The following ATP8B1 variants were observed in gnomAD, a reference collection of about 807,000 sequenced individuals.
ATP8B1 encodes the protein phospholipid-transporting ATPase IC.
ATP8B1 carries 80 observed loss-of-function variants against 149.9 expected under a neutral mutation model. That is an observed-to-expected ratio of 0.53 (90% confidence interval 0.45 to 0.64). The LOEUF (loss-of-function observed/expected upper bound fraction) is 0.64, where lower values mean the gene tolerates loss of function less well. ATP8B1 is among the 30% of genes least tolerant of loss of function. The pLI is 0.00. For synonymous variants in ATP8B1, 536 were observed against 562.8 expected (o/e 0.95, Z 0.67); for missense variants, 1,247 against 1,552.6 (o/e 0.80, Z 3.31).
chr18:57,698,730 C>A (rs1384912581), intron 6 of ATP8B1, among the ~76,000 whole-genome samples: 2 of 152,220 alleles, frequency 1.3e-5, no homozygotes, highest in Non-Finnish European at 2.9e-5. Context: ...GGTCAGTTGT[C>A]TGATGGAGCT....
intron 1 of ATP8B1, among the ~76,000 whole-genome samples, chr18:57,762,132 T>C (rs1007265193): frequency 1.2e-5 from 1 of 80,348 alleles, no homozygotes; most frequent in African/African-American, 5.7e-5. Context: ...CACACATATA[T>C]ATATATATAT....
intron 1 of ATP8B1, among the ~76,000 whole-genome samples, chr18:57,796,337 C>T (rs2080515268): frequency 6.6e-6 from 1 of 152,164 alleles, no homozygotes; most frequent in Non-Finnish European, 1.5e-5. Flanking sequence ...CACTTGGAGT[C>T]CTTACTGTAA....
chr18:57,765,908 G>T (rs1365396398), intron 1 of ATP8B1, among the ~76,000 whole-genome samples: 1 of 151,310 alleles, frequency 6.6e-6, no homozygotes, highest in Non-Finnish European at 1.5e-5. Context: ...GGAGGCAGAG[G>T]TTGCAGTGAG....
intron 1 of ATP8B1, among the ~76,000 whole-genome samples, chr18:57,790,655 C>T (rs1443066850): frequency 6.6e-6 from 1 of 152,156 alleles, no homozygotes; most frequent in African/African-American, 2.4e-5. Flanking sequence ...AGACCCCACT[C>T]CCTGGGCCAT....
intron 1 of ATP8B1, among the ~76,000 whole-genome samples, chr18:57,738,916 T>C (rs1459783973): frequency 6.6e-6 from 1 of 152,150 alleles, no homozygotes; most frequent in Non-Finnish European, 1.5e-5. Context: ...TGTGACTACA[T>C]GGAGAGAGGT....
intron 15 of ATP8B1, among the ~76,000 whole-genome samples, chr18:57,677,776 G>A (rs902393189): frequency 6.6e-5 from 10 of 152,132 alleles, no homozygotes; most frequent in African/African-American, 2.4e-4. Context: ...ATCAGCAGCG[G>A]TGAGAACAAA....
intron 15 of ATP8B1, among the ~76,000 whole-genome samples, chr18:57,675,520 G>A (rs990127885): frequency 1.3e-5 from 2 of 152,096 alleles, no homozygotes; most frequent in Non-Finnish European, 2.9e-5. Context: ...CTCTCAAAAA[G>A]TCACACTTTA....
chr18:57,655,813 A>C (rs1568180594), intron 22 of ATP8B1, among the ~76,000 whole-genome samples: 1 of 152,228 alleles, frequency 6.6e-6, no homozygotes, highest in Non-Finnish European at 1.5e-5. Flanking sequence ...TGTGGTAGAT[A>C]CTACAAATCG....
chr18:57,796,145 A>G (rs991478478), intron 1 of ATP8B1, among the ~76,000 whole-genome samples: 2 of 152,186 alleles, frequency 1.3e-5, no homozygotes, highest in East Asian at 1.9e-4. Context: ...TCCAGCCTGC[A>G]TGACAGAGCG....
At chr18:57,683,184 A>G (rs761336386) in intron 15 of ATP8B1, among the ~76,000 whole-genome samples, 3 of 152,200 alleles carry the variant, frequency 2.0e-5, no homozygotes, top group Non-Finnish European at 2.9e-5. Context: ...CCTGCTACAT[A>G]TGAAACATTA....
chr18:57,695,190 G>A lies in ATP8B1; in HGVS notation c.921C>T (p.His307=), dbSNP rs747429748. The A allele has an allele frequency of 8.1e-5, 130 of 1,613,978 alleles. No homozygotes were observed. In the South Asian group the frequency reaches 1.3e-3, roughly 16 times the overall value. Residue 307 remains histidine, a synonymous_variant, in exon 10 of 28, where the codon CAC becomes CAT. Transcript: ENST00000648908. The stretch of plus-strand genomic sequence containing the variant: ...ACGTACCTGCAAAAATGACTAAGCC[G>A]TGGCAGAAATCGGTGTTCCTAATTA... ...GCVIRNTDFC[H]GLVIFAGADT...
intron 1 of ATP8B1, among the ~76,000 whole-genome samples, chr18:57,747,810 T>G (rs1049254951): frequency 2.0e-5 from 3 of 152,248 alleles, no homozygotes; most frequent in African/African-American, 2.4e-5. Flanking sequence ...ATTTAATCAC[T>G]GTCTCTTATG....
chr18:57,745,256 A>G (rs2079954055), intron 1 of ATP8B1, among the ~76,000 whole-genome samples: 1 of 152,110 alleles, frequency 6.6e-6, no homozygotes, highest in Non-Finnish European at 1.5e-5. Context: ...ACTTCAATGA[A>G]AGGACTCTTA....
intron 11 of ATP8B1, among the ~76,000 whole-genome samples, chr18:57,692,453 TTAGAC>T (rs1258391544): frequency 1.9e-4 from 22 of 116,754 alleles, no homozygotes; most frequent in African/African-American, 6.1e-4. Flanking sequence ...TTTTTTTTTT[TTAGAC>T]AGCGTCTCAC....
intron 1 of ATP8B1, among the ~76,000 whole-genome samples, chr18:57,756,293 G>GT (rs755702972): frequency 1.1e-5 from 1 of 87,120 alleles, no homozygotes. Flanking sequence ...ATATATGTGT[G>GT]TGTGTATGTA....
intron 1 of ATP8B1, among the ~76,000 whole-genome samples, chr18:57,795,015 C>T (rs968254622): frequency 6.6e-6 from 1 of 152,060 alleles, no homozygotes; most frequent in African/African-American, 2.4e-5. Context: ...ATGAAGGATA[C>T]ATTTTACCAA....
chr18:57,718,360 A>G (rs56948659), intron 2 of ATP8B1, among the ~76,000 whole-genome samples: 1,890 of 152,250 alleles, frequency 0.012, 38 homozygotes, highest in African/African-American at 0.043. Context: ...GATCAAAGCC[A>G]TAATAAAAAG....
At chr18:57,761,115 AAAAT>A (rs2080152589) in intron 1 of ATP8B1, among the ~76,000 whole-genome samples, 1 of 48,074 alleles carries the variant, frequency 2.1e-5, no homozygotes, top group Non-Finnish European at 4.2e-5. Flanking sequence ...AATAAAATAT[AAAAT>A]AAAATAAAAT....
intron 2 of ATP8B1, among the ~76,000 whole-genome samples, chr18:57,731,097 G>T (rs319435): frequency 6.6e-6 from 1 of 151,864 alleles, no homozygotes; most frequent in Non-Finnish European, 1.5e-5. Flanking sequence ...AGTTTGAGAC[G>T]AGCCTGGGCA....
Sources: gnomAD v4.1 joint callset for allele counts (sites outside exome capture counted in the v4.1 genomes callset) on GRCh38, gnomAD v4.1.1 for gene constraint, MANE v1.5 for transcripts, NCBI Gene and HGNC (gene_info 2026-07-23, HGNC 2026-07-21) for gene names.